Variants in RIT1 observed in about 807,000 individuals in gnomAD.
The protein encoded by RIT1 is Ras like without CAAX 1, also known as GTP-binding protein Rit1.
In RIT1, 6 loss-of-function variants were observed where a neutral mutation model predicts 25.6. The observed-to-expected ratio is 0.23, with a 90% CI of 0.13 to 0.46. The LOEUF (loss-of-function observed/expected upper bound fraction) is 0.46, where lower values mean the gene tolerates loss of function less well. Ranked by LOEUF, RIT1 falls within the 20% of genes least tolerant of loss-of-function variation. RIT1 has a pLI of 0.99. For synonymous variants in RIT1, 81 were observed against 94.1 expected, an observed-to-expected ratio of 0.86 and a Z score of 0.80; for missense variants, 219 against 284.4, an observed-to-expected ratio of 0.77 and a Z score of 1.65.
intron 3 of RIT1, among the ~76,000 whole-genome samples, chr1:155,906,170 T>A (rs1300771142): frequency 6.6e-6 from 1 of 152,150 alleles, no homozygotes; most frequent in East Asian, 1.9e-4. Context: ...TCGTAATTTC[T>A]CTTTTCTGAA....
At chr1:155,910,963 A>AT in intron 1 of RIT1, 159 bp from the exon 2 acceptor site, 1 of 1,431,084 alleles carries the variant, frequency 7.0e-7, no homozygotes, top group East Asian at 2.8e-5. Context: ...GCCCTAAGAA[A>AT]CCCCCCCATC....
intron 3 of RIT1, among the ~76,000 whole-genome samples, chr1:155,909,134 G>A (rs550659434): frequency 6.6e-6 from 1 of 151,494 alleles, no homozygotes; most frequent in East Asian, 2.0e-4. Context: ...CCAGCACTTT[G>A]GGAGTCCGAG....
chr1:155,900,701 C>T, intron 5 of RIT1, 83 bp from the exon 6 acceptor site: 1 of 1,089,094 alleles, frequency 9.2e-7, no homozygotes, highest in Non-Finnish European at 1.4e-6. Context: ...CACCTTAACA[C>T]AAAGAAAGCT....
chr1:155,906,974 G>A (rs1392142379), intron 3 of RIT1, among the ~76,000 whole-genome samples: 2 of 151,734 alleles, frequency 1.3e-5, no homozygotes, highest in East Asian at 2.0e-4. Flanking sequence ...TGGGCTTAGT[G>A]GCCTACGCCT....
rs1215875019 is a variant in RIT1, at chr1:155,898,213, G to A, written c.*2175C>T. On this transcript the variant is annotated 3_prime_UTR_variant, in exon 6 of 6. Coordinates refer to ENST00000368323, the MANE Select transcript of RIT1 (RefSeq NM_006912.6). ...GTCAAGCTACCTAGCACCACGAATA[G>A]AACTAATATTAATGGATGGACTAAT... is the stretch of plus-strand genomic sequence containing the variant. 6.6e-6 allele frequency: 1 copy of A among 152,102 alleles called. No homozygotes were observed. The highest frequency in any genetic ancestry group is 1.5e-5 in the Non-Finnish European group (1 of 67,980). The allele number at this position is 152,102 out of a possible 1,614,324, so 9.4% of individuals were successfully genotyped here. A position where few individuals can be genotyped will look rare whatever the true frequency, so the allele number is the denominator to read the frequency against.
At chr1:155,903,424 G>A (rs1347129004) in intron 5 of RIT1, among the ~76,000 whole-genome samples, 1 of 123,854 alleles carries the variant, frequency 8.1e-6, no homozygotes, top group Admixed American at 1.0e-4. Context: ...CTGCACTCCA[G>A]CCAAGGCAAC....
In RIT1 at chr1:155,910,727, C is replaced by G; in HGVS notation, c.35G>C (p.Cys12Ser). ...DSGTRPVGSC[C>S]SSPAGLSREY... ...CCGTGAGAGCCCAGCGGGGCTGCTA[C>G]AGCAGCTACCAACTGGGCGAGTTCC... Residue 12 changes from cysteine (C) to serine (S), a missense_variant, in exon 2 of 6, where the codon TGT becomes TCT. Physicochemically the swap from Cys to Ser is moderately radical, Grantham distance 112. Around this residue, in one of 3 missense-constraint regions of RIT1, gnomAD observed 131 missense variants for 173.6 expected, o/e 0.75. Coordinates refer to ENST00000368323, the MANE Select transcript of RIT1 (RefSeq NM_006912.6). The G allele has an allele frequency of 3.1e-6, 5 of 1,614,244 alleles. No homozygotes were observed. Among genetic ancestry groups the G allele is most frequent in the Middle Eastern group, 3.3e-4 (2 of 6,062 alleles).
rs1035734762 is a variant in RIT1 at position 155,902,671 on chromosome 1, G to A, written c.429+1640C>T. Among the ~76,000 whole-genome samples the A allele has an allele frequency of 4.0e-5, 6 of 149,490 alleles. No homozygotes were observed. The East Asian group carries it at 1.0e-3, about 25-fold the overall frequency. On this transcript the variant is annotated intron_variant, in intron 5 of 5. Coordinates refer to ENST00000368323, the MANE Select transcript of RIT1 (RefSeq NM_006912.6). ...AGCCCGGCCAACATGGTGAAACCCC[G>A]TCTCTACTAAAATACAAAAATTAGC...
At chr1:155,904,558 C>A in intron 4 of RIT1, 56 bp from the exon 5 acceptor site, 1 of 1,473,226 alleles carries the variant, frequency 6.8e-7, no homozygotes, top group East Asian at 2.3e-5. Flanking sequence ...ACTACACACA[C>A]AATTAGCTAT....
rs375734733 is a variant in RIT1 at position 155,900,550 on chromosome 1, T to G, written c.498A>C (p.Ala166=). 32 of 1,614,068 alleles carry G rather than the reference T, an allele frequency of 2.0e-5. No homozygotes were observed. Among genetic ancestry groups the G allele is most frequent in the Non-Finnish European group, 2.7e-5 (32 of 1,180,032 alleles). ...FSCPFFETSA[A]YRYYIDDVFH... is the part of the protein sequence containing the mutation. The stretch of plus-strand genomic sequence containing the variant: ...AAACATCATCAATATAGTAGCGGTA[T>G]GCAGCAGATGTCTCAAAAAAGGGAC... Residue 166 remains alanine (A), a synonymous_variant, in exon 6 of 6, where the codon GCA becomes GCC. Coordinates refer to ENST00000368323, the MANE Select transcript of RIT1 (RefSeq NM_006912.6).
chr1:155,909,869 C>G (rs557698816), intron 3 of RIT1, among the ~76,000 whole-genome samples: 1 of 137,506 alleles, frequency 7.3e-6, no homozygotes, highest in Non-Finnish European at 1.5e-5. Flanking sequence ...TTACAGTGAC[C>G]GGAGATCGCA....
chr1:155,911,023 ACT>A, intron 1 of RIT1: 1 of 1,021,626 alleles, frequency 9.8e-7, no homozygotes, highest in Non-Finnish European at 1.5e-6. Context: ...CACAGGTTTT[ACT>A]TTTTCCAAAG....
chr1:155,909,854 G>A (rs1673547638), intron 3 of RIT1, among the ~76,000 whole-genome samples: 1 of 147,420 alleles, frequency 6.8e-6, no homozygotes, highest in South Asian at 2.1e-4. Context: ...CCCGGGAGGC[G>A]GAGGTTACAG....
chr1:155,900,561 T>C lies in RIT1; in HGVS notation c.487A>G (p.Thr163Ala), dbSNP rs1673293249. ...ATATAGTAGCGGTATGCAGCAGATG[T>C]CTCAAAAAAGGGACAGCTGAATTCT... ...AREFSCPFFE[T>A]SAAYRYYIDD... The change falls in exon 6 of 6, where the codon ACA becomes GCA. Residue 163 changes from threonine to alanine, a missense_variant. Around this residue, in one of 3 missense-constraint regions of RIT1, gnomAD observed 81 missense variants for 83.8 expected, o/e 0.97. Coordinates refer to ENST00000368323, the MANE Select transcript of RIT1 (RefSeq NM_006912.6). 6.2e-7 allele frequency: 1 copy of C among 1,614,082 alleles called. No individual in the cohort carries two copies. The highest frequency in any genetic ancestry group is 1.6e-4 in the Middle Eastern group (1 of 6,062).
At position 155,900,590 on chromosome 1, in the gene RIT1, G is replaced by A; in HGVS notation, c.458C>T (p.Ala153Val). 1 of 1,614,138 alleles carries A rather than the reference G, an allele frequency of 6.2e-7. No homozygotes were observed. The highest frequency in any genetic ancestry group is 8.5e-7 in the Non-Finnish European group (1 of 1,180,018). Reference protein sequence around the residue: ...QVTKEEGLALAREFSCPFFET... With the variant: ...QVTKEEGLALVREFSCPFFET... ...AAAAAAGGGACAGCTGAATTCTCGG[G>A]CCAAGGCCAATCCTTCTTCCTTGGT... The change falls in exon 6 of 6, where the codon GCC becomes GTC. Residue 153 changes from alanine (A) to valine (V), a missense_variant. Around this residue, in one of 3 missense-constraint regions of RIT1, gnomAD observed 81 missense variants for 83.8 expected, o/e 0.97. Transcript: ENST00000368323.
At chr1:155,903,883 G>C (rs1012572117) in intron 5 of RIT1, among the ~76,000 whole-genome samples, 1 of 152,166 alleles carries the variant, frequency 6.6e-6, no homozygotes. Flanking sequence ...GGTGGCACAC[G>C]CCTGTGGTCC....
intron 4 of RIT1, 69 bp downstream of exon 4, chr1:155,904,662 G>C: frequency 7.8e-7 from 1 of 1,283,450 alleles, no homozygotes; most frequent in Non-Finnish European, 1.1e-6. Context: ...GATCTTCTCT[G>C]TGTAGGCCTT....
At chr1:155,903,250 C>T (rs778999158) in intron 5 of RIT1, among the ~76,000 whole-genome samples, 3 of 150,744 alleles carry the variant, frequency 2.0e-5, no homozygotes, top group Non-Finnish European at 4.4e-5. Context: ...GAGCAGAGAT[C>T]GTGCCACTGC....
chr1:155,903,824 C>T lies in RIT1; in HGVS notation c.429+487G>A, dbSNP rs566425148. Reference sequence around the variant, plus strand: ...AGGTGTTCAAGATCAGCCTGGGCAACATAGTGAGATCCTGTCTCCACAAAA... The same window carrying T: ...AGGTGTTCAAGATCAGCCTGGGCAATATAGTGAGATCCTGTCTCCACAAAA... On this transcript the variant is annotated intron_variant, in intron 5 of 5. Coordinates refer to ENST00000368323, the MANE Select transcript of RIT1 (RefSeq NM_006912.6). 2.0e-5 allele frequency among the ~76,000 whole-genome samples: 3 copies of T among 152,306 alleles called. No homozygotes were observed. The South Asian group carries it at 6.2e-4, about 32-fold the overall frequency.
Sources: gnomAD v4.1 joint callset for allele counts (sites outside exome capture counted in the v4.1 genomes callset) on GRCh38, gnomAD v4.1.1 for gene constraint, gnomAD v4.1.1 regional missense constraint, MANE v1.5 for transcripts, NCBI Gene and HGNC (gene_info 2026-07-23, HGNC 2026-07-21) for gene names.